The following RGS7 variants were observed in gnomAD, a reference collection of about 807,000 sequenced individuals.
RGS7 encodes the protein regulator of G-protein signaling 7.
In RGS7, 27 loss-of-function variants were observed where a neutral mutation model predicts 81.1. That is an observed-to-expected ratio of 0.33 (90% confidence interval 0.25 to 0.46). RGS7 has a LOEUF of 0.46. RGS7 is among the 20% of genes least tolerant of loss of function. The pLI is 1.00. For missense variants in RGS7, 396 were observed against 607.4 expected (o/e 0.65, Z 3.66); for synonymous variants, 208 against 207.7 (o/e 1.00, Z -0.01).
chr1:241,083,617 G>A lies in RGS7; in HGVS notation c.175+15049C>T, dbSNP rs544703712. Among the ~76,000 whole-genome samples the A allele has an allele frequency of 5.9e-5, 9 of 152,124 alleles. No homozygotes were observed. In the East Asian group the frequency reaches 9.7e-4, roughly 16 times the overall value. ...TTTGCAAATTGGTCATGTCTCTTGC[G>A]GATCTAGTTAACATTTCCTGTTTTC... On this transcript the variant is annotated intron_variant, in intron 3 of 18. Coordinates refer to ENST00000440928, the MANE Select transcript of RGS7 (RefSeq NM_001364886.1).
At chr1:241,050,217 A>G (rs1186500922) in intron 3 of RGS7, among the ~76,000 whole-genome samples, 1 of 152,160 alleles carries the variant, frequency 6.6e-6, no homozygotes, top group African/African-American at 2.4e-5. Context: ...TAGATGGCAC[A>G]GCCAGTATGT....
At chr1:241,324,568 GT>G (rs1267043760) in intron 2 of RGS7, among the ~76,000 whole-genome samples, 1 of 152,118 alleles carries the variant, frequency 6.6e-6, no homozygotes, top group Non-Finnish European at 1.5e-5. Flanking sequence ...CTAATTCACA[GT>G]CACCTCTAAT....
intron 2 of RGS7, among the ~76,000 whole-genome samples, chr1:241,168,036 A>G (rs2070406341): frequency 6.6e-6 from 1 of 152,248 alleles, no homozygotes; most frequent in Non-Finnish European, 1.5e-5. Flanking sequence ...TTATTTGCAA[A>G]TGAACTTATC....
At chr1:240,851,989 A>T (rs887521324) in intron 9 of RGS7, among the ~76,000 whole-genome samples, 1 of 152,230 alleles carries the variant, frequency 6.6e-6, no homozygotes, top group African/African-American at 2.4e-5. Flanking sequence ...AATTTAGAAT[A>T]TTATATAAAC....
intron 3 of RGS7, among the ~76,000 whole-genome samples, chr1:241,089,055 CTCTCTCTCTATATATATA>C (rs1369742881): frequency 1.9e-5 from 1 of 51,754 alleles, no homozygotes; most frequent in East Asian, 3.6e-4. Context: ...CTCTCTCTCT[CTCTCTCTCTATATATATA>C]TATATATATA....
chr1:241,227,436 A>G (rs2815861), intron 2 of RGS7, among the ~76,000 whole-genome samples: 112,889 of 151,762 alleles, frequency 0.74, 42,104 homozygotes, highest in East Asian at 0.81. Flanking sequence ...GCCCAGGACA[A>G]AGTTTTATTT....
intron 2 of RGS7, among the ~76,000 whole-genome samples, chr1:241,136,211 GTA>G (rs1350864354): frequency 1.3e-5 from 2 of 152,178 alleles, no homozygotes; most frequent in Non-Finnish European, 2.9e-5. Flanking sequence ...TAAAAAACAT[GTA>G]TAGACAGTCT....
intron 6 of RGS7, 111 bp downstream of exon 6, chr1:240,930,606 T>C: frequency 9.8e-7 from 1 of 1,020,430 alleles, no homozygotes; most frequent in East Asian, 2.4e-5. Context: ...ATTGGTCCCA[T>C]CCTGAGAACT....
intron 9 of RGS7, among the ~76,000 whole-genome samples, chr1:240,827,877 A>AAC (rs1553315781): frequency 2.6e-5 from 4 of 151,066 alleles, no homozygotes; most frequent in African/African-American, 9.7e-5. Context: ...AAAAAAAAAA[A>AAC]AAAAAAAAAA....
chr1:240,956,258 G>A (rs1259039813), intron 4 of RGS7, among the ~76,000 whole-genome samples: 1 of 151,592 alleles, frequency 6.6e-6, no homozygotes, highest in East Asian at 1.9e-4. Flanking sequence ...CTGTGGAAGA[G>A]AAGCAGGAGC....
At chr1:241,005,333 C>T (rs995102432) in intron 3 of RGS7, among the ~76,000 whole-genome samples, 1 of 152,108 alleles carries the variant, frequency 6.6e-6, no homozygotes, top group Admixed American at 6.5e-5. Flanking sequence ...AAAGTTCTGA[C>T]AAATGTATGC....
intron 9 of RGS7, among the ~76,000 whole-genome samples, chr1:240,846,369 T>C (rs1659085609): frequency 6.6e-6 from 1 of 152,178 alleles, no homozygotes; most frequent in South Asian, 2.1e-4. Context: ...AGGAGGGAGA[T>C]TTGGCAAAGA....
intron 6 of RGS7, among the ~76,000 whole-genome samples, chr1:240,871,908 T>C (rs1243824370): frequency 1.3e-5 from 2 of 152,190 alleles, no homozygotes; most frequent in East Asian, 3.9e-4. Flanking sequence ...TCCTCCTGCA[T>C]CAGCTTCTCC....
At chr1:241,187,587 A>C (rs139558788) in intron 2 of RGS7, among the ~76,000 whole-genome samples, 2 of 152,280 alleles carry the variant, frequency 1.3e-5, no homozygotes, top group African/African-American at 4.8e-5. Flanking sequence ...GTACAGCTCA[A>C]TAAAGCTCTA....
chr1:241,148,789 ATATG>A (rs1163306415), intron 2 of RGS7, among the ~76,000 whole-genome samples: 85 of 152,394 alleles, frequency 5.6e-4, no homozygotes, highest in Middle Eastern at 3.4e-3. Context: ...TGTCATATAT[ATATG>A]TATGTGCGTA....
intron 5 of RGS7, among the ~76,000 whole-genome samples, chr1:240,932,760 G>C (rs540986848): frequency 2.7e-5 from 4 of 150,540 alleles, no homozygotes; most frequent in Admixed American, 2.0e-4. Flanking sequence ...CGCCTGCCTC[G>C]GCCTCCCAAA....
chr1:241,049,544 T>C (rs2061138152), intron 3 of RGS7, among the ~76,000 whole-genome samples: 1 of 152,196 alleles, frequency 6.6e-6, no homozygotes, highest in African/African-American at 2.4e-5. Flanking sequence ...AGAAAGGGCT[T>C]TCCCCTACCT....
intron 2 of RGS7, among the ~76,000 whole-genome samples, chr1:241,236,589 G>T (rs976586893): frequency 1.2e-4 from 18 of 152,116 alleles, no homozygotes; most frequent in Non-Finnish European, 1.9e-4. Flanking sequence ...CACATGATTT[G>T]CCTCGAAACC....
chr1:240,831,159 A>T (rs543876367), intron 9 of RGS7, among the ~76,000 whole-genome samples: 4 of 152,168 alleles, frequency 2.6e-5, no homozygotes, highest in Non-Finnish European at 5.9e-5. Context: ...TTAAAATAGT[A>T]AGCTGGATCT....
Sources: gnomAD v4.1 joint callset for allele counts (sites outside exome capture counted in the v4.1 genomes callset) on GRCh38, gnomAD v4.1.1 for gene constraint, MANE v1.5 for transcripts, NCBI Gene and HGNC (gene_info 2026-07-23, HGNC 2026-07-21) for gene names.